The following COL5A1 variants were observed in gnomAD, a reference collection of about 807,000 sequenced individuals.
COL5A1 encodes collagen alpha-1(V) chain.
COL5A1 carries 16 observed loss-of-function variants against 263.7 expected under a neutral mutation model. The observed-to-expected ratio is 0.06, with a 90% CI of 0.04 to 0.09. The LOEUF is 0.09. Among genes scored for constraint, COL5A1 ranks in the 10% least tolerant of loss-of-function variants. The probability of loss-of-function intolerance (pLI) is 1.00; values close to 1 mark genes in which losing one functional copy is unlikely to be tolerated. For synonymous variants in COL5A1, 1,012 were observed against 1,004.5 expected (o/e 1.01, Z -0.14); for missense variants, 2,036 against 2,540.5 (o/e 0.80, Z 4.27).
intron 61 of COL5A1, 47 bp from the exon 62 acceptor site, chr9:134,824,553 C>T: frequency 6.2e-7 from 1 of 1,610,546 alleles, no homozygotes; most frequent in Non-Finnish European, 8.5e-7. Context: ...ATCCTGGGAC[C>T]CTTCCCATCC....
At chr9:134,801,906 GGC>G in intron 37 of COL5A1, 46 bp from the exon 38 acceptor site, 1 of 1,569,214 alleles carries the variant, frequency 6.4e-7, no homozygotes, top group Non-Finnish European at 8.8e-7. Flanking sequence ...AGGGCAGGGT[GGC>G]GCAGGCCACT....
intron 1 of COL5A1, among the ~76,000 whole-genome samples, chr9:134,658,914 CTT>C (rs1423778077): frequency 6.6e-6 from 1 of 152,208 alleles, no homozygotes; most frequent in East Asian, 1.9e-4. Flanking sequence ...TTCGCTGAGA[CTT>C]TTCTCTGCAG....
At chr9:134,776,958 C>T (rs78714461) in intron 27 of COL5A1, among the ~76,000 whole-genome samples, 4,624 of 152,274 alleles carry the variant, frequency 0.03, 101 homozygotes, top group Non-Finnish European at 0.047. Context: ...GGGGCTCCAC[C>T]CTGTGACCCA....
chr9:134,733,882 G>A (rs910202112), intron 9 of COL5A1, among the ~76,000 whole-genome samples: 1 of 152,208 alleles, frequency 6.6e-6, no homozygotes, highest in African/African-American at 2.4e-5. Flanking sequence ...GGTTGGCCTT[G>A]GGCTTCTTTT....
Position 134,752,429 on chromosome 9 carries a change from G to T in COL5A1, c.1663-160G>T, listed in dbSNP as rs56669635. On this transcript the variant is annotated intron_variant, in intron 13 of 65. Coordinates refer to ENST00000371817, the MANE Select transcript of COL5A1 (RefSeq NM_000093.5). ...GAGCCCCATCGAAGTCGGGGGGGGG[G>T]GGCCCTTGGGGAGTCATCAGACCTC... Among the ~76,000 whole-genome samples the T allele has an allele frequency of 0.067, 10,038 of 150,570 alleles. 526 individuals are homozygous for T. The highest frequency in any genetic ancestry group is 0.15 in the African/African-American group (5,855 of 40,060).
intron 64 of COL5A1, among the ~76,000 whole-genome samples, chr9:134,833,393 A>G (rs1839724470): frequency 6.6e-6 from 1 of 152,218 alleles, no homozygotes; most frequent in African/African-American, 2.4e-5. Flanking sequence ...AAGAAGCTGC[A>G]CATTGTCCTC....
chr9:134,686,253 C>T lies in COL5A1; in HGVS notation c.110-4659C>T, dbSNP rs1486035101. The stretch of plus-strand genomic sequence containing the variant: ...CCTTCTCCTTCTCCTTTTTCTTCTT[C>T]TTTCTCTTCCTTTTTTTCGAGACCA... On this transcript the variant is annotated intron_variant, in intron 1 of 65. Coordinates refer to ENST00000371817, the MANE Select transcript of COL5A1 (RefSeq NM_000093.5). The surrounding 1 kb of genome is among the most constrained non-coding windows in gnomAD (Gnocchi z 4.6). Among the ~76,000 whole-genome samples the T allele has an allele frequency of 6.6e-6, 1 of 151,908 alleles. No individual in the cohort carries two copies. Among genetic ancestry groups the T allele is most frequent in the East Asian group, 1.9e-4 (1 of 5,184 alleles).
At chr9:134,770,864 C>T (rs1836844188) in intron 25 of COL5A1, among the ~76,000 whole-genome samples, 1 of 152,234 alleles carries the variant, frequency 6.6e-6, no homozygotes, top group Non-Finnish European at 1.5e-5. Context: ...TGTTACGTTT[C>T]CTTTCTGCCT....
chr9:134,801,482 G>T (rs1181881057), intron 37 of COL5A1, among the ~76,000 whole-genome samples: 1 of 152,236 alleles, frequency 6.6e-6, no homozygotes, highest in Non-Finnish European at 1.5e-5. Flanking sequence ...AGCTTGTGTG[G>T]CTTCGTTACC....
intron 25 of COL5A1, among the ~76,000 whole-genome samples, chr9:134,771,007 C>T (rs1000229888): frequency 1.3e-5 from 2 of 152,226 alleles, no homozygotes; most frequent in African/African-American, 2.4e-5. Context: ...GCCGTGATGC[C>T]GGCCGCTAAC....
At position 134,752,617 on chromosome 9, in the gene COL5A1, T is replaced by A. The variant is rs1258095362; in HGVS notation, c.1691T>A (p.Met564Lys). The A allele has an allele frequency of 6.2e-7, 1 of 1,613,742 alleles. No homozygotes were observed. Among genetic ancestry groups the A allele is most frequent in the Admixed American group, 1.7e-5 (1 of 60,020 alleles). ...RLALRGPAGP[M>K]GLTGRPGPVG... ...GCACTGAGGGGACCAGCTGGCCCGATGGGTCTCACAGGGAGACCTGGCCCT... is the reference window on the plus strand; with the variant it reads ...GCACTGAGGGGACCAGCTGGCCCGAAGGGTCTCACAGGGAGACCTGGCCCT... Residue 564 changes from methionine (M) to lysine (K), a missense_variant, in exon 14 of 66, where the codon ATG (methionine) becomes AAG (lysine). Physicochemically the swap from Met to Lys is moderately conservative, Grantham distance 95. This residue lies in a region of COL5A1 where 1,078 missense variants were observed against 1,521.4 expected (regional missense o/e 0.71). Transcript: ENST00000371817.
intron 4 of COL5A1, among the ~76,000 whole-genome samples, chr9:134,717,005 C>T (rs1253352670): frequency 6.8e-6 from 1 of 146,804 alleles, no homozygotes; most frequent in Non-Finnish European, 1.5e-5. Flanking sequence ...GCTGTGAAAA[C>T]CATGGAAAAA....
chr9:134,830,976 C>T (rs937603706), intron 64 of COL5A1, among the ~76,000 whole-genome samples: 20 of 152,214 alleles, frequency 1.3e-4, no homozygotes, highest in African/African-American at 2.7e-4. Context: ...GAACACAAGA[C>T]GGGTTCCGGG....
intron 39 of COL5A1, among the ~76,000 whole-genome samples, chr9:134,803,669 C>T (rs1366407276): frequency 1.3e-5 from 2 of 151,852 alleles, no homozygotes; most frequent in African/African-American, 2.4e-5. Context: ...AGTGAAACCC[C>T]GTTTCTACTA....
rs952975514 is a variant in COL5A1 at position 134,833,680 on chromosome 9, C to T, written c.5137-1291C>T. 3.3e-5 allele frequency among the ~76,000 whole-genome samples: 5 copies of T among 152,208 alleles called. No individual in the cohort carries two copies. The East Asian group carries it at 7.7e-4, about 23-fold the overall frequency. ...CACAGCCCTGACCCTCCCTCAGGCT[C>T]GCCTCCCCTGAGCACCTCACTACAG... On this transcript the variant is annotated intron_variant, in intron 64 of 65. Transcript: ENST00000371817.
rs763608609 is a variant in COL5A1 at position 134,730,237 on chromosome 9, A to G, written c.926A>G (p.Glu309Gly). Residue 309 changes from glutamate to glycine, a missense_variant and splice_region_variant, in exon 7 of 66, where the codon GAG becomes GGG. By Grantham distance (98) the Glu-to-Gly change is moderately conservative. Coordinates refer to ENST00000371817, the MANE Select transcript of COL5A1 (RefSeq NM_000093.5). ...GCTGTCTCTGTCCTTGGCTCCCAGG[A>G]GCTGACCCCGACCCCCACGGAAGCT... ...AAKETTEVPE[E>G]LTPTPTEAAP... The G allele has an allele frequency of 1.2e-6, 2 of 1,613,520 alleles. No homozygotes were observed. Among genetic ancestry groups the G allele is most frequent in the Non-Finnish European group, 8.5e-7 (1 of 1,180,002 alleles).
intron 30 of COL5A1, 45 bp from the exon 31 acceptor site, chr9:134,785,950 G>T (rs45497895): frequency 2.6e-6 from 4 of 1,556,292 alleles, no homozygotes; most frequent in Admixed American, 3.4e-5. Flanking sequence ...GAAACGGATG[G>T]AGCAATACCG....
At chr9:134,688,064 CA>C (rs1833140512) in intron 1 of COL5A1, among the ~76,000 whole-genome samples, 1 of 152,152 alleles carries the variant, frequency 6.6e-6, no homozygotes. Context: ...TTTTCTTTTT[CA>C]AAAAGTACTT....
intron 25 of COL5A1, 67 bp downstream of exon 25, chr9:134,768,530 G>A (rs1564447048): frequency 6.7e-7 from 1 of 1,487,676 alleles, no homozygotes; most frequent in East Asian, 2.3e-5. Context: ...TAGGGCTGCA[G>A]GCCCAGGCTC....
Sources: allele counts gnomAD v4.1 joint callset (sites outside exome capture counted in the v4.1 genomes callset), GRCh38; gene constraint gnomAD v4.1.1; regional missense constraint gnomAD v4.1.1; non-coding constraint Gnocchi (gnomAD v3.1); transcripts MANE v1.5; gene names NCBI Gene and HGNC (gene_info 2026-07-23, HGNC 2026-07-21).